ZNRF3: variants seen among roughly 807,000 people sequenced by gnomAD.
ZNRF3 encodes the protein E3 ubiquitin-protein ligase ZNRF3.
In ZNRF3, 23 loss-of-function variants were observed where a neutral mutation model predicts 72.5. The observed-to-expected ratio is 0.32, with a 90% CI of 0.23 to 0.45. The LOEUF is 0.45. ZNRF3 is among the 20% of genes least tolerant of loss of function. The pLI, the probability that ZNRF3 is intolerant of heterozygous loss-of-function variation, is 1.00. For missense variants in ZNRF3, 1,169 were observed against 1,272.1 expected, an observed-to-expected ratio of 0.92 and a Z score of 1.23; for synonymous variants, 610 against 545.3, an observed-to-expected ratio of 1.12 and a Z score of -1.65.
chr22:28,986,551 A>G, intron 1 of ZNRF3: 2 of 921,380 alleles, frequency 2.2e-6, no homozygotes, highest in Non-Finnish European at 2.6e-6. Flanking sequence ...CCCAGTAACC[A>G]GGGGTAGCCT....
At chr22:28,956,089 G>C (rs1361179396) in intron 1 of ZNRF3, among the ~76,000 whole-genome samples, 1 of 152,170 alleles carries the variant, frequency 6.6e-6, no homozygotes, top group African/African-American at 2.4e-5. Context: ...AGCATGTTGA[G>C]TGCTGCAGAG....
intron 1 of ZNRF3, among the ~76,000 whole-genome samples, chr22:28,971,734 CTCTG>C (rs762611230): frequency 3.6e-4 from 55 of 152,258 alleles, no homozygotes; most frequent in Non-Finnish European, 4.7e-4. Flanking sequence ...GAGATGGTCT[CTCTG>C]TCTGTCATTC....
At position 29,020,759 on chromosome 22, in the gene ZNRF3, GTTTT is replaced by G. The variant is rs762825720; in HGVS notation, c.427-21734_427-21731del. 1.3e-3 allele frequency among the ~76,000 whole-genome samples: 187 copies of G among 140,128 alleles called. 1 individual carries two copies. The highest frequency in any genetic ancestry group is 4.7e-3 in the African/African-American group (156 of 33,076). The allele number at this position is 140,128 out of a possible 152,430, so 91.9% of individuals were successfully genotyped here. On this transcript the variant is annotated intron_variant, in intron 2 of 8. Coordinates refer to ENST00000544604, the MANE Select transcript of ZNRF3 (RefSeq NM_001206998.2). ...TCCAGATTTCATTGAGAGGGGCTTT[GTTTT>G]TGTGTGTGTGTGGGTGTGTGTGTGT...
chr22:29,038,182 G>A (rs975884369), intron 2 of ZNRF3, among the ~76,000 whole-genome samples: 3 of 152,118 alleles, frequency 2.0e-5, no homozygotes, highest in African/African-American at 7.2e-5. Context: ...CCTAATTAGG[G>A]TCTAGGTTTG....
At chr22:29,029,390 T>G (rs2036704176) in intron 2 of ZNRF3, among the ~76,000 whole-genome samples, 1 of 152,220 alleles carries the variant, frequency 6.6e-6, no homozygotes, top group Non-Finnish European at 1.5e-5. Context: ...GCCTTCTCAA[T>G]GAGTTTACCA....
chr22:28,989,707 A>T (rs1284698755), intron 2 of ZNRF3, among the ~76,000 whole-genome samples: 1 of 152,176 alleles, frequency 6.6e-6, no homozygotes, highest in East Asian at 1.9e-4. Context: ...TGTCCGCTGC[A>T]GGCGGGCCAG....
At chr22:29,031,461 G>A (rs1048318666) in intron 2 of ZNRF3, 1 of 355,478 alleles carries the variant, frequency 2.8e-6, no homozygotes, top group Non-Finnish European at 3.9e-6. Flanking sequence ...GGAAAACAGG[G>A]CCCTTGGTGA....
intron 2 of ZNRF3, among the ~76,000 whole-genome samples, chr22:29,039,862 G>T: frequency 6.6e-6 from 1 of 151,994 alleles, no homozygotes; most frequent in African/African-American, 2.4e-5. Flanking sequence ...AGGAGGCTGA[G>T]GCAGGAGGAT....
At chr22:29,014,349 G>T (rs116962235) in intron 2 of ZNRF3, among the ~76,000 whole-genome samples, 1,660 of 152,236 alleles carry the variant, frequency 0.011, 27 homozygotes, top group East Asian at 0.044. Flanking sequence ...GTCCCCACTG[G>T]TTCCCCCAGT....
chr22:29,001,006 G>T (rs961770611), intron 2 of ZNRF3, among the ~76,000 whole-genome samples: 1 of 150,090 alleles, frequency 6.7e-6, no homozygotes, highest in Non-Finnish European at 1.5e-5. Flanking sequence ...GCCCAGGTTG[G>T]TCACCAACTC....
chr22:29,044,477 C>G (rs752422251), intron 4 of ZNRF3, among the ~76,000 whole-genome samples: 16 of 152,232 alleles, frequency 1.1e-4, no homozygotes, highest in Admixed American at 3.9e-4. Context: ...TTTGGAAGGG[C>G]CTTTCTTACC....
chr22:29,043,101 G>A (rs994025032), intron 3 of ZNRF3, among the ~76,000 whole-genome samples, 198 bp from the exon 4 acceptor site: 3 of 152,020 alleles, frequency 2.0e-5, no homozygotes, highest in Non-Finnish European at 2.9e-5. Context: ...ACCTTTCTGG[G>A]CCTTCTGCTT....
chr22:28,947,885 AC>A (rs2035081827), intron 1 of ZNRF3, among the ~76,000 whole-genome samples: 1 of 152,122 alleles, frequency 6.6e-6, no homozygotes, highest in African/African-American at 2.4e-5. Context: ...TTGCTCTGTC[AC>A]CAGGTTGGAG....
chr22:28,890,627 ATAGG>A (rs756318499), intron 1 of ZNRF3, among the ~76,000 whole-genome samples: 99 of 152,338 alleles, frequency 6.5e-4, no homozygotes, highest in Non-Finnish European at 1.3e-3. Context: ...CTTAAAGTGG[ATAGG>A]TTATGGAAGG....
intron 1 of ZNRF3, among the ~76,000 whole-genome samples, chr22:28,912,646 C>T (rs1043164221): frequency 6.8e-6 from 1 of 148,024 alleles, no homozygotes; most frequent in Non-Finnish European, 1.5e-5. Context: ...CTCAGGGACA[C>T]GGTTTTCTTT....
intron 1 of ZNRF3, among the ~76,000 whole-genome samples, chr22:28,958,183 G>A (rs116897477): frequency 3.8e-3 from 582 of 152,322 alleles, no homozygotes; most frequent in Admixed American, 7.0e-3. Context: ...GCGAGACTCC[G>A]TCTCAAAAGA....
chr22:29,029,146 C>A (rs2036699836), intron 2 of ZNRF3, among the ~76,000 whole-genome samples: 1 of 152,238 alleles, frequency 6.6e-6, no homozygotes. Context: ...TGTCTCCACA[C>A]TGACATGCTC....
chr22:29,026,418 C>T (rs956579326), intron 2 of ZNRF3: 3 of 152,150 alleles, frequency 2.0e-5, no homozygotes, highest in African/African-American at 4.8e-5. Context: ...TTGGTTAGCT[C>T]AGTTCAGAGT....
chr22:28,918,739 C>T (rs1057181083), intron 1 of ZNRF3, among the ~76,000 whole-genome samples: 1 of 152,114 alleles, frequency 6.6e-6, no homozygotes, highest in Non-Finnish European at 1.5e-5. Context: ...ACAATGTTTC[C>T]ACTTCGTCCT....
Sources: gnomAD v4.1 joint callset for allele counts (sites outside exome capture counted in the v4.1 genomes callset) on GRCh38, gnomAD v4.1.1 for gene constraint, MANE v1.5 for transcripts, NCBI Gene and HGNC (gene_info 2026-07-23, HGNC 2026-07-21) for gene names.